Variants in PARD3 observed in about 807,000 individuals in gnomAD.
The protein encoded by PARD3 is par-3 family cell polarity regulator.
PARD3 carries 75 observed loss-of-function variants against 155.4 expected under a neutral mutation model. That is an observed-to-expected ratio of 0.48 (90% confidence interval 0.40 to 0.58). The LOEUF is 0.58. Ranked by LOEUF, PARD3 falls within the 20% of genes least tolerant of loss-of-function variation. The pLI, the probability that PARD3 is intolerant of heterozygous loss-of-function variation, is 0.00. For synonymous variants in PARD3, 576 were observed against 610.5 expected (o/e 0.94, Z 0.83); for missense variants, 1,642 against 1,721.7 (o/e 0.95, Z 0.82).
Position 34,579,572 on chromosome 10 carries a change from G to GTGTGTGTGTGTGTGTGTGTGTA in PARD3, c.223-62414_223-62413insTACACACACACACACACACACA, listed in dbSNP as rs1554775632. 2.1e-4 allele frequency among the ~76,000 whole-genome samples: 31 copies of GTGTGTGTGTGTGTGTGTGTGTA among 149,658 alleles called. 1 individual carries two copies. Among genetic ancestry groups the GTGTGTGTGTGTGTGTGTGTGTA allele is most frequent in the African/African-American group, 5.7e-4 (23 of 40,640 alleles). On this transcript the variant is annotated intron_variant, in intron 2 of 24. Coordinates refer to ENST00000374788, the MANE Select transcript of PARD3 (RefSeq NM_001184785.2). ...ATTTTCTCTGTGTGTGTGTGTGTGT[G>GTGTGTGTGTGTGTGTGTGTGTA]TGTGTGTGTGTGTGTGTGTGTGTTT...
At chr10:34,150,181 A>T (rs1948711607) in intron 22 of PARD3, among the ~76,000 whole-genome samples, 1 of 152,218 alleles carries the variant, frequency 6.6e-6, no homozygotes, top group Admixed American at 6.5e-5. Context: ...AGATACAAGT[A>T]AACATCTAAT....
intron 1 of PARD3, among the ~76,000 whole-genome samples, chr10:34,813,945 T>A (rs1166826577): frequency 6.6e-6 from 1 of 152,158 alleles, no homozygotes; most frequent in East Asian, 1.9e-4. Flanking sequence ...GTAAAACAAT[T>A]TAACAAAACG....
intron 1 of PARD3, among the ~76,000 whole-genome samples, chr10:34,705,782 G>A (rs573770797): frequency 5.9e-5 from 9 of 152,234 alleles, no homozygotes; most frequent in Non-Finnish European, 4.4e-5. Context: ...ACAAGACAGA[G>A]CAAACCACAA....
chr10:34,286,413 C>T (rs1230136372), intron 20 of PARD3, among the ~76,000 whole-genome samples: 1 of 152,198 alleles, frequency 6.6e-6, no homozygotes, highest in Non-Finnish European at 1.5e-5. Context: ...GAAAGCAAAG[C>T]AGAGTAAGGA....
intron 3 of PARD3, among the ~76,000 whole-genome samples, chr10:34,485,859 T>A (rs1394900130): frequency 6.6e-6 from 1 of 152,036 alleles, no homozygotes; most frequent in Non-Finnish European, 1.5e-5. Context: ...CTACCTGTCA[T>A]TTTGTTATAT....
intron 2 of PARD3, among the ~76,000 whole-genome samples, chr10:34,601,607 G>A (rs2089789282): frequency 1.3e-5 from 2 of 152,170 alleles, no homozygotes; most frequent in Admixed American, 1.3e-4. Context: ...TCGAGTCACA[G>A]ATTCATTTCA....
At chr10:34,220,353 C>T (rs933577712) in intron 22 of PARD3, among the ~76,000 whole-genome samples, 12 of 152,176 alleles carry the variant, frequency 7.9e-5, no homozygotes, top group African/African-American at 2.7e-4. Flanking sequence ...GCACTTTCAT[C>T]TCCGGAAGTA....
At chr10:34,650,166 G>A (rs2092962382) in intron 2 of PARD3, among the ~76,000 whole-genome samples, 2 of 152,188 alleles carry the variant, frequency 1.3e-5, no homozygotes, top group South Asian at 4.1e-4. Flanking sequence ...ACATAAGCCA[G>A]TAACAGAGTC....
In PARD3 at chr10:34,334,267, GA is replaced by G. The variant is rs1001421446; in HGVS notation, c.2605+1931del. ...ATATGATACAAGATTCCTAAATATG[GA>G]AAAAAAAAGAGGGAAATCATAATCA... On this transcript the variant is annotated intron_variant, in intron 18 of 24. Transcript: ENST00000374788. 3.0e-3 allele frequency among the ~76,000 whole-genome samples: 318 copies of G among 107,700 alleles called. 1 individual carries two copies. Among genetic ancestry groups the G allele is most frequent in the African/African-American group, 9.1e-3 (250 of 27,434 alleles). The allele number at this position is 107,700 out of a possible 152,430, so 70.7% of individuals were successfully genotyped here. A position where few individuals can be genotyped will look rare whatever the true frequency, so the allele number is the denominator to read the frequency against.
chr10:34,531,236 C>T lies in PARD3; in HGVS notation c.223-14077G>A, dbSNP rs76015173. Among the ~76,000 whole-genome samples, 148 of 152,226 alleles carry T rather than the reference C, an allele frequency of 9.7e-4. 3 individuals are homozygous for T. The East Asian group carries it at 0.02, about 21-fold the overall frequency. Reference sequence around the variant, plus strand: ...TTGCTGGCATTTTTTCCAGCACTTTCGTCTGCATTAAAACCGTGTTTAGGC... The same window carrying T: ...TTGCTGGCATTTTTTCCAGCACTTTTGTCTGCATTAAAACCGTGTTTAGGC... On this transcript the variant is annotated intron_variant, in intron 2 of 24. Transcript: ENST00000374788.
chr10:34,712,391 C>T (rs532233083), intron 1 of PARD3, among the ~76,000 whole-genome samples: 102 of 152,340 alleles, frequency 6.7e-4, no homozygotes, highest in Non-Finnish European at 1.1e-3. Flanking sequence ...CCTGGTGCTG[C>T]GCCCACCTCC....
intron 1 of PARD3, among the ~76,000 whole-genome samples, chr10:34,746,555 T>C (rs189841350): frequency 2.1e-3 from 321 of 152,280 alleles, no homozygotes; most frequent in South Asian, 7.7e-3. Context: ...TTTGCAAATA[T>C]GCCCATAAGT....
intron 21 of PARD3, among the ~76,000 whole-genome samples, chr10:34,272,874 T>G (rs1250512723): frequency 1.3e-5 from 2 of 152,184 alleles, no homozygotes; most frequent in Non-Finnish European, 2.9e-5. Flanking sequence ...GAAAAGACGT[T>G]CGCCACCACC....
At chr10:34,121,884 A>C (rs1947023733) in intron 23 of PARD3, among the ~76,000 whole-genome samples, 1 of 152,248 alleles carries the variant, frequency 6.6e-6, no homozygotes, top group Non-Finnish European at 1.5e-5. Context: ...ATAACACATC[A>C]GTGAGGCCTT....
chr10:34,506,434 C>A (rs529193506), intron 3 of PARD3, among the ~76,000 whole-genome samples: 3 of 152,224 alleles, frequency 2.0e-5, no homozygotes, highest in South Asian at 2.1e-4. Context: ...TTATGAAAAT[C>A]TTTTCTAAGT....
intron 5 of PARD3, among the ~76,000 whole-genome samples, chr10:34,439,496 T>G (rs918177297): frequency 6.6e-6 from 1 of 152,174 alleles, no homozygotes; most frequent in Non-Finnish European, 1.5e-5. Flanking sequence ...TTCACTCTGT[T>G]GCCCAGGCTG....
intron 22 of PARD3, among the ~76,000 whole-genome samples, chr10:34,246,022 G>C (rs11009691): frequency 0.041 from 6,316 of 152,294 alleles, 383 homozygotes; most frequent in African/African-American, 0.13. Flanking sequence ...GGGATCAGCA[G>C]TGAAGACACA....
chr10:34,727,108 C>T (rs1398577662), intron 1 of PARD3, among the ~76,000 whole-genome samples: 1 of 152,246 alleles, frequency 6.6e-6, no homozygotes. Flanking sequence ...ATTCCCTCTG[C>T]ACCCTGTGTG....
At chr10:34,198,853 A>G (rs1259907622) in intron 22 of PARD3, among the ~76,000 whole-genome samples, 1 of 152,154 alleles carries the variant, frequency 6.6e-6, no homozygotes, top group Non-Finnish European at 1.5e-5. Context: ...ACGATGGGTG[A>G]TCATTAATGC....
Sources: allele counts gnomAD v4.1 joint callset (sites outside exome capture counted in the v4.1 genomes callset), GRCh38; gene constraint gnomAD v4.1.1; transcripts MANE v1.5; gene names NCBI Gene and HGNC (gene_info 2026-07-23, HGNC 2026-07-21).